Variants in DEPDC1B observed in about 807,000 individuals in gnomAD.
The protein encoded by DEPDC1B is DEP domain containing 1B, also known as DEP domain-containing protein 1B.
A neutral mutation model predicts 66.5 loss-of-function variants in DEPDC1B; 51 were observed. That is an observed-to-expected ratio of 0.77 (90% CI 0.61 to 0.97). DEPDC1B has a LOEUF of 0.97. Ranked by LOEUF, DEPDC1B falls within the 50% of genes least tolerant of loss-of-function variation. The pLI is 0.00. For missense variants in DEPDC1B, 552 were observed against 637.1 expected (o/e 0.87, Z 1.44); for synonymous variants, 226 against 223.6 (o/e 1.01, Z -0.10).
chr5:60,613,079 T>C (rs762513567), intron 7 of DEPDC1B, among the ~76,000 whole-genome samples: 1 of 152,220 alleles, frequency 6.6e-6, no homozygotes, highest in Non-Finnish European at 1.5e-5. Context: ...GAGATTTCAA[T>C]TTCTCTAAAT....
intron 2 of DEPDC1B, among the ~76,000 whole-genome samples, chr5:60,683,653 A>G (rs1180081927): frequency 6.6e-6 from 1 of 152,224 alleles, no homozygotes; most frequent in Non-Finnish European, 1.5e-5. Context: ...CACAGCTAAC[A>G]TCATTGAACA....
At chr5:60,667,594 A>AG (rs199555945) in intron 2 of DEPDC1B, among the ~76,000 whole-genome samples, 1 of 139,466 alleles carries the variant, frequency 7.2e-6, no homozygotes, top group African/African-American at 2.8e-5. Context: ...ATATATAAAA[A>AG]TGGATATTTT....
chr5:60,625,799 G>A (rs1752798186), intron 7 of DEPDC1B, among the ~76,000 whole-genome samples: 1 of 152,162 alleles, frequency 6.6e-6, no homozygotes, highest in South Asian at 2.1e-4. Flanking sequence ...GTTTTGTTTT[G>A]TTGTGGGAGG....
chr5:60,691,769 A>G (rs973262347), intron 1 of DEPDC1B, among the ~76,000 whole-genome samples: 4 of 152,226 alleles, frequency 2.6e-5, no homozygotes, highest in East Asian at 1.9e-4. Context: ...CGACAAGTCA[A>G]TATCACAACA....
intron 2 of DEPDC1B, among the ~76,000 whole-genome samples, chr5:60,671,208 C>A (rs1754027619): frequency 6.6e-6 from 1 of 152,146 alleles, no homozygotes; most frequent in Non-Finnish European, 1.5e-5. Context: ...AGAATGAGTA[C>A]CAGCTGCAGC....
intron 7 of DEPDC1B, among the ~76,000 whole-genome samples, chr5:60,615,422 C>T (rs928650844): frequency 3.9e-5 from 6 of 152,180 alleles, no homozygotes; most frequent in Admixed American, 2.0e-4. Context: ...ACAGACGGCA[C>T]CTGGAAAATC....
At chr5:60,672,222 A>G (rs566133607) in intron 2 of DEPDC1B, among the ~76,000 whole-genome samples, 1 of 152,356 alleles carries the variant, frequency 6.6e-6, no homozygotes, top group South Asian at 2.1e-4. Context: ...CTGTATCCCC[A>G]ACAACTGGCT....
At chr5:60,696,862 G>C (rs1459168122) in intron 1 of DEPDC1B, among the ~76,000 whole-genome samples, 2 of 149,590 alleles carry the variant, frequency 1.3e-5, no homozygotes, top group African/African-American at 5.1e-5. Context: ...TTTCTTCTTA[G>C]TACCAAAAAT....
At chr5:60,634,005 C>A (rs1190254440) in intron 7 of DEPDC1B, among the ~76,000 whole-genome samples, 1 of 152,124 alleles carries the variant, frequency 6.6e-6, no homozygotes, top group Non-Finnish European at 1.5e-5. Context: ...AAGGAAAATG[C>A]AGAAGAGGCA....
intron 2 of DEPDC1B, among the ~76,000 whole-genome samples, chr5:60,673,841 G>A (rs1754098737): frequency 6.6e-6 from 1 of 152,182 alleles, no homozygotes; most frequent in African/African-American, 2.4e-5. Flanking sequence ...CCAAAAGAGT[G>A]TTCTCTTCTG....
chr5:60,631,464 A>G (rs1365159046), intron 7 of DEPDC1B, among the ~76,000 whole-genome samples: 1 of 152,192 alleles, frequency 6.6e-6, no homozygotes, highest in Non-Finnish European at 1.5e-5. Context: ...TCTGGAGAGC[A>G]TAAGTGATGG....
intron 7 of DEPDC1B, among the ~76,000 whole-genome samples, chr5:60,621,272 A>G (rs908552559): frequency 6.6e-5 from 10 of 151,330 alleles, no homozygotes; most frequent in Non-Finnish European, 1.5e-4. Flanking sequence ...CATGTACACT[A>G]ACTTAAAGTA....
At chr5:60,689,782 C>G (rs773226525) in intron 1 of DEPDC1B, among the ~76,000 whole-genome samples, 8 of 152,124 alleles carry the variant, frequency 5.3e-5, no homozygotes, top group Non-Finnish European at 1.2e-4. Flanking sequence ...TGGCTTACAC[C>G]CCTAATCCCA....
At chr5:60,684,921 T>C (rs1754378755) in intron 2 of DEPDC1B, among the ~76,000 whole-genome samples, 1 of 152,146 alleles carries the variant, frequency 6.6e-6, no homozygotes, top group African/African-American at 2.4e-5. Context: ...AGGATCTGAA[T>C]AGATATTTCT....
At chr5:60,665,472 C>T (rs538575950) in intron 2 of DEPDC1B, among the ~76,000 whole-genome samples, 5 of 152,330 alleles carry the variant, frequency 3.3e-5, no homozygotes, top group African/African-American at 1.2e-4. Flanking sequence ...AACTACAAAT[C>T]GTTCTTCAAA....
intron 2 of DEPDC1B, among the ~76,000 whole-genome samples, chr5:60,676,771 T>A (rs1754172059): frequency 6.6e-6 from 1 of 151,822 alleles, no homozygotes; most frequent in Non-Finnish European, 1.5e-5. Context: ...CCCATCCCCC[T>A]CCCGTTCCAT....
chr5:60,639,133 T>A (rs866212546), intron 6 of DEPDC1B, among the ~76,000 whole-genome samples: 7 of 152,196 alleles, frequency 4.6e-5, no homozygotes, highest in Admixed American at 2.6e-4. Context: ...TATAAAACAA[T>A]GAAGAAAATC....
chr5:60,617,383 C>T (rs1752584107), intron 7 of DEPDC1B, among the ~76,000 whole-genome samples: 1 of 152,258 alleles, frequency 6.6e-6, no homozygotes, highest in East Asian at 1.9e-4. Context: ...GTGCTGTATT[C>T]AGGAAACCCA....
chr5:60,634,550 T>C (rs1752997667), intron 7 of DEPDC1B, among the ~76,000 whole-genome samples: 1 of 151,892 alleles, frequency 6.6e-6, no homozygotes, highest in Non-Finnish European at 1.5e-5. Context: ...TGGGTGCCTG[T>C]AGTCCCAGCT....
Sources: allele counts gnomAD v4.1 joint callset (sites outside exome capture counted in the v4.1 genomes callset), GRCh38; gene constraint gnomAD v4.1.1; transcripts MANE v1.5; gene names NCBI Gene and HGNC (gene_info 2026-07-23, HGNC 2026-07-21).